Variants in ICAM2 observed in about 807,000 individuals in gnomAD.
ICAM2 encodes intercellular adhesion molecule 2, also known as ICAM-2.
ICAM2 carries 14 observed loss-of-function variants against 19.1 expected under a neutral mutation model. The ratio of observed to expected loss-of-function variants is 0.73; its 90% CI spans 0.48 to 1.15. The LOEUF is 1.15. Among genes scored for constraint, ICAM2 ranks in the 50% most tolerant of loss-of-function variants. The pLI is 0.00. For synonymous variants in ICAM2, 153 were observed against 152.7 expected (o/e 1.00, Z -0.01); for missense variants, 311 against 355.4 (o/e 0.88, Z 1.00).
rs577587074 is a variant in ICAM2, at chr17:64,014,995, A to G, written c.-45+5528T>C. On this transcript the variant is annotated intron_variant, in intron 1 of 4. Coordinates refer to ENST00000579788, the MANE Select transcript of ICAM2 (RefSeq NM_001099789.2). ...AAGTCTCCAGTGAAATCGATATATA[A>G]AGAAAAAGAAGGCATGCGTAAACAT... Among the ~76,000 whole-genome samples the G allele has an allele frequency of 1.2e-4, 19 of 152,318 alleles. No individual in the cohort carries two copies. The East Asian group carries it at 3.7e-3, about 29-fold the overall frequency.
Position 64,003,666 on chromosome 17 carries a change from G to C in ICAM2, c.627C>G (p.Ala209=), listed in dbSNP as rs748268418. The change falls in exon 4 of 5, where the codon GCC becomes GCG. Residue 209 remains alanine (A), a synonymous_variant. Transcript: ENST00000579788. The stretch of plus-strand genomic sequence containing the variant: ...CACCATAGATCTCCAACATCTTCGG[G>C]GCTGAGTGTTTGTGAAAGATGTTGC... ...RGGNIFHKHS[A]PKMLEIYEPV... 25 of 1,613,880 alleles carry C rather than the reference G, an allele frequency of 1.5e-5. 1 individual carries two copies. Among genetic ancestry groups the C allele is most frequent in the Non-Finnish European group, 1.9e-5 (23 of 1,179,970 alleles).
chr17:64,005,429 G>A (rs757533255), intron 2 of ICAM2, 56 bp from the exon 3 acceptor site: 23 of 1,576,322 alleles, frequency 1.5e-5, no homozygotes, highest in South Asian at 2.3e-5. Context: ...CTGCCCTCCA[G>A]TGGAGCTGTC....
At chr17:64,005,416 C>G in intron 2 of ICAM2, 43 bp from the exon 3 acceptor site, 1 of 1,590,902 alleles carries the variant, frequency 6.3e-7, no homozygotes, top group Non-Finnish European at 8.6e-7. Context: ...ATCCCCCCAC[C>G]CCCTGCCCTC....
At chr17:64,017,460 A>T (rs1205180452) in intron 1 of ICAM2, among the ~76,000 whole-genome samples, 1 of 152,220 alleles carries the variant, frequency 6.6e-6, no homozygotes, top group African/African-American at 2.4e-5. Flanking sequence ...CAATCTAAAT[A>T]AATGGAGAGA....
At chr17:64,009,154 G>A (rs768801964) in intron 1 of ICAM2, among the ~76,000 whole-genome samples, 2 of 152,202 alleles carry the variant, frequency 1.3e-5, no homozygotes, top group Non-Finnish European at 2.9e-5. Context: ...ACCCAGTGTA[G>A]GACACTGCCT....
At chr17:64,018,820 C>T (rs749326223) in intron 1 of ICAM2, among the ~76,000 whole-genome samples, 13 of 144,370 alleles carry the variant, frequency 9.0e-5, no homozygotes, top group Admixed American at 7.3e-4. Context: ...CTCCCGGGTT[C>T]GAGCTATTCT....
chr17:64,002,899 T>A lies in ICAM2; in HGVS notation c.676A>T (p.Ile226Phe). 1 of 1,612,976 alleles carries A rather than the reference T, an allele frequency of 6.2e-7. No individual in the cohort carries two copies. Among genetic ancestry groups the A allele is most frequent in the Middle Eastern group, 1.7e-4 (1 of 6,058 alleles). Residue 226 changes from isoleucine (I) to phenylalanine (F), a missense_variant, in exon 5 of 5, where the codon ATC (isoleucine) becomes TTC (phenylalanine). Transcript: ENST00000579788. ...AACACCGACACCACCGTGACTATGA[T>A]GACCATCTGGCTGTCCGACACAGGC... ...YEPVSDSQMV[I>F]IVTVVSVLLS...
intron 1 of ICAM2, among the ~76,000 whole-genome samples, chr17:64,008,398 C>A (rs142290483): frequency 7.9e-4 from 121 of 152,246 alleles, no homozygotes; most frequent in Non-Finnish European, 1.5e-3. Context: ...GTGTCCTCCA[C>A]TGAGTCAGAA....
At chr17:64,018,031 T>C (rs1330571379) in intron 1 of ICAM2, among the ~76,000 whole-genome samples, 2 of 152,100 alleles carry the variant, frequency 1.3e-5, no homozygotes. Flanking sequence ...AAATCAACAA[T>C]TGGTATCTTT....
chr17:64,013,241 G>A (rs1053699256), intron 1 of ICAM2, among the ~76,000 whole-genome samples: 2 of 152,196 alleles, frequency 1.3e-5, no homozygotes, highest in African/African-American at 4.8e-5. Context: ...GAACATGGGA[G>A]GCAGAGCTTG....
chr17:64,004,750 G>A lies in ICAM2; in HGVS notation c.328+357C>T, dbSNP rs148072959. Reference sequence around the variant, plus strand: ...GGCGACACTTCAACCTTCTTGCCATGAGATGGACAGGCTCAGCTCCCCTGA... The same window carrying A: ...GGCGACACTTCAACCTTCTTGCCATAAGATGGACAGGCTCAGCTCCCCTGA... On this transcript the variant is annotated intron_variant, in intron 3 of 4. Coordinates refer to ENST00000579788, the MANE Select transcript of ICAM2 (RefSeq NM_001099789.2). 772 of 370,858 alleles carry A rather than the reference G, an allele frequency of 2.1e-3. 7 individuals carry two copies. Among genetic ancestry groups the A allele is most frequent in the African/African-American group, 0.015 (716 of 48,788 alleles). The allele number at this position is 370,858 out of a possible 1,614,324, so 23.0% of individuals were successfully genotyped here.
At chr17:64,019,390 C>T (rs576051498) in intron 1 of ICAM2, among the ~76,000 whole-genome samples, 1 of 128,612 alleles carries the variant, frequency 7.8e-6, no homozygotes, top group Non-Finnish European at 1.7e-5. Context: ...AGTGTGACCC[C>T]ATCTCAGTAA....
intron 1 of ICAM2, among the ~76,000 whole-genome samples, chr17:64,010,263 A>G (rs561382620): frequency 1.3e-5 from 2 of 152,362 alleles, no homozygotes; most frequent in East Asian, 3.9e-4. Flanking sequence ...GAAACTGACC[A>G]TGATGTAGAA....
At chr17:64,011,115 G>A (rs544433201) in intron 1 of ICAM2, among the ~76,000 whole-genome samples, 14 of 152,152 alleles carry the variant, frequency 9.2e-5, no homozygotes, top group African/African-American at 3.4e-4. Context: ...AGAGAAAGAT[G>A]AAAAAAATAA....
At chr17:64,010,261 C>A (rs1911397584) in intron 1 of ICAM2, among the ~76,000 whole-genome samples, 2 of 152,132 alleles carry the variant, frequency 1.3e-5, no homozygotes. Context: ...AGGAAACTGA[C>A]CATGATGTAG....
rs1171528899 is a variant in ICAM2 at position 64,002,826 on chromosome 17, T to C, written c.749A>G (p.Gln250Arg). ...GCCCATCCGCTGCTGGCGCAAGTGC[T>C]GGCCGAAGATGAAGCAGAGCAGGAC... ...TSVLLCFIFGQHLRQQRMGTY... is the reference protein window; with the variant it reads ...TSVLLCFIFGRHLRQQRMGTY... The change falls in exon 5 of 5, where the codon CAG becomes CGG. Residue 250 changes from glutamine to arginine, a missense_variant. Transcript: ENST00000579788. 1.2e-6 allele frequency: 2 copies of C among 1,613,896 alleles called. No individual in the cohort carries two copies. The highest frequency in any genetic ancestry group is 2.2e-5 in the East Asian group (1 of 44,870).
At position 64,003,687 on chromosome 17, in the gene ICAM2, G is replaced by A. The variant is rs1005425484; in HGVS notation, c.606C>T (p.Asn202=). ...TCGGGGCTGAGTGTTTGTGAAAGAT[G>A]TTGCCACCGCGAGACATCAAGTCCA... ...AVLDLMSRGG[N]IFHKHSAPKM... is the part of the protein sequence containing the mutation. The change falls in exon 4 of 5, where the codon AAC becomes AAT. Residue 202 remains asparagine (N), a synonymous_variant. Transcript: ENST00000579788. 2.5e-6 allele frequency: 4 copies of A among 1,614,054 alleles called. No homozygotes were observed. Among genetic ancestry groups the A allele is most frequent in the African/African-American group, 2.7e-5 (2 of 74,944 alleles).
intron 2 of ICAM2, chr17:64,006,236 G>A (rs1487494165): frequency 1.2e-5 from 2 of 172,148 alleles, no homozygotes; most frequent in African/African-American, 4.8e-5. Flanking sequence ...AGCTTCAGCA[G>A]GCTGGGCATG....
At position 64,003,913 on chromosome 17, in the gene ICAM2, C is replaced by T; in HGVS notation, c.380G>A (p.Gly127Asp). 1 of 1,614,000 alleles carries T rather than the reference C, an allele frequency of 6.2e-7. No individual in the cohort carries two copies. The highest frequency in any genetic ancestry group is 8.5e-7 in the Non-Finnish European group (1 of 1,179,966). The change falls in exon 4 of 5, where the codon GGC (glycine) becomes GAC (aspartate). Residue 127 changes from glycine to aspartate, a missense_variant. Coordinates refer to ENST00000579788, the MANE Select transcript of ICAM2 (RefSeq NM_001099789.2). Reference sequence around the variant, plus strand: ...CCTGCACTCAATGGTGAAGGACTTGCCCACAGCCACCAAAGTGGGTTGCAG... The same window carrying T: ...CCTGCACTCAATGGTGAAGGACTTGTCCACAGCCACCAAAGTGGGTTGCAG... Reference protein sequence around the residue: ...LTLQPTLVAVGKSFTIECRVP... With the variant: ...LTLQPTLVAVDKSFTIECRVP...
Sources: gnomAD v4.1 joint callset for allele counts (sites outside exome capture counted in the v4.1 genomes callset) on GRCh38, gnomAD v4.1.1 for gene constraint, MANE v1.5 for transcripts, NCBI Gene and HGNC (gene_info 2026-07-23, HGNC 2026-07-21) for gene names.